Variants in ZNF254 observed in about 807,000 individuals in gnomAD.
ZNF254 encodes zinc finger protein 254.
ZNF254 carries 10 observed loss-of-function variants against 12.4 expected under a neutral mutation model. The observed-to-expected ratio is 0.80, with a 90% CI of 0.50 to 1.36. The LOEUF is 1.36. Among genes scored for constraint, ZNF254 ranks in the 40% most tolerant of loss-of-function variants. The probability of loss-of-function intolerance (pLI) is 0.00; values close to 1 mark genes in which losing one functional copy is unlikely to be tolerated. For missense variants in ZNF254, 996 were observed against 763.9 expected, an observed-to-expected ratio of 1.30 and a Z score of -3.58; for synonymous variants, 305 against 253.4, an observed-to-expected ratio of 1.20 and a Z score of -1.93.
At chr19:24,115,871 G>C (rs1053206301) in intron 3 of ZNF254, among the ~76,000 whole-genome samples, 2 of 152,114 alleles carry the variant, frequency 1.3e-5, no homozygotes, top group East Asian at 3.9e-4. Context: ...TCCTTCAGGA[G>C]CTCTTTTAGG....
chr19:24,047,998 T>C (rs967994241), intron 2 of ZNF254, among the ~76,000 whole-genome samples: 1 of 124,426 alleles, frequency 8.0e-6, no homozygotes, highest in African/African-American at 3.2e-5. Flanking sequence ...TTTTTTTCTT[T>C]TCTTCTTTTT....
At chr19:24,044,009 G>A (rs930163092) in intron 1 of ZNF254, among the ~76,000 whole-genome samples, 1 of 152,046 alleles carries the variant, frequency 6.6e-6, no homozygotes, top group African/African-American at 2.4e-5. Flanking sequence ...GGGAGGGTGA[G>A]GCGCGCAAAT....
At chr19:24,101,001 A>G (rs551100043) in intron 1 of ZNF254, among the ~76,000 whole-genome samples, 2 of 151,864 alleles carry the variant, frequency 1.3e-5, no homozygotes, top group African/African-American at 4.8e-5. Flanking sequence ...CTAATTTTGT[A>G]TTTTTAGTAG....
intron 2 of ZNF254, among the ~76,000 whole-genome samples, chr19:24,053,259 C>T (rs1384417427): frequency 6.6e-6 from 1 of 152,186 alleles, no homozygotes; most frequent in African/African-American, 2.4e-5. Flanking sequence ...TTCTCATGCA[C>T]AAATCCAGAC....
intron 2 of ZNF254, among the ~76,000 whole-genome samples, chr19:24,048,327 C>T (rs972453567): frequency 4.6e-5 from 7 of 152,238 alleles, no homozygotes; most frequent in Non-Finnish European, 1.0e-4. Context: ...AGCTTCAGGC[C>T]GCAAGCGCCA....
At chr19:24,049,646 C>T (rs1169711383) in intron 2 of ZNF254, 1 of 152,166 alleles carries the variant, frequency 6.6e-6, no homozygotes, top group African/African-American at 2.4e-5. Context: ...TCTCTCCTGC[C>T]TTGGCTCTTC....
At chr19:24,062,126 C>T (rs1298012405) in intron 2 of ZNF254, among the ~76,000 whole-genome samples, 1 of 149,160 alleles carries the variant, frequency 6.7e-6, no homozygotes, top group Admixed American at 6.7e-5. Context: ...GAGTAAAATC[C>T]TGGTGGTCTC....
intron 3 of ZNF254, among the ~76,000 whole-genome samples, chr19:24,116,798 T>A (rs1310217218): frequency 1.3e-5 from 2 of 152,156 alleles, no homozygotes; most frequent in Non-Finnish European, 2.9e-5. Flanking sequence ...CCAGTTTTTC[T>A]GCTGTTTTTT....
Position 24,046,373 on chromosome 19 carries a change from T to TATATA in ZNF254, c.-94+94_-94+95insATATA, listed in dbSNP as rs1555750839. 604 of 95,446 alleles carry TATATA rather than the reference T, an allele frequency of 6.3e-3. 18 individuals are homozygous for TATATA. The highest frequency in any genetic ancestry group is 0.021 in the African/African-American group (485 of 23,520). 5.9% of individuals were successfully genotyped at this position (95,446 alleles called of 1,614,324 possible). ...TTGTCTTCCATTATTTTATTATTTT[T>TATATA]TATATATATATATATATATATATAT... On this transcript the variant is annotated intron_variant, in intron 2 of 4. Transcript: ENST00000613065.
intron 1 of ZNF254, among the ~76,000 whole-genome samples, chr19:24,033,952 G>GAGT (rs1218377642): frequency 6.6e-6 from 1 of 152,190 alleles, no homozygotes; most frequent in Admixed American, 6.5e-5. Context: ...TGGGGCTCCC[G>GAGT]AGTCTCTTTT....
chr19:24,127,184 C>T lies in ZNF254; in HGVS notation c.1184C>T (p.Thr395Ile), dbSNP rs1420085595. The T allele has an allele frequency of 1.9e-6, 3 of 1,612,792 alleles. No homozygotes were observed. The South Asian group carries it at 3.3e-5, about 18-fold the overall frequency. The change falls in exon 4 of 4, where the codon ACA becomes ATA. Residue 395 changes from threonine (T) to isoleucine (I), a missense_variant. By Grantham distance (89) the Thr-to-Ile change is moderately conservative. Coordinates refer to ENST00000357002, the MANE Select transcript of ZNF254 (RefSeq NM_203282.4). ...KAFKQLSTLT[T>I]HKIIHVGEKL... Reference sequence around the variant, plus strand: ...TTTAAGCAACTCTCAACTCTTACTACACATAAAATAATTCATGTTGGAGAG... The same window carrying T: ...TTTAAGCAACTCTCAACTCTTACTATACATAAAATAATTCATGTTGGAGAG...
At chr19:24,075,142 GAC>G (rs1971612937) in intron 2 of ZNF254, among the ~76,000 whole-genome samples, 1 of 152,154 alleles carries the variant, frequency 6.6e-6, no homozygotes, top group Non-Finnish European at 1.5e-5. Flanking sequence ...CTCTTCTTAT[GAC>G]TGGAACCTGC....
intron 3 of ZNF254, among the ~76,000 whole-genome samples, chr19:24,121,876 G>GT (rs1425193993): frequency 7.3e-5 from 11 of 151,410 alleles, no homozygotes; most frequent in South Asian, 2.1e-4. Flanking sequence ...TTTTTTGTTT[G>GT]TTTTTTGTAT....
intron 3 of ZNF254, among the ~76,000 whole-genome samples, chr19:24,123,220 G>C (rs1241885480): frequency 6.6e-6 from 1 of 152,068 alleles, no homozygotes; most frequent in Non-Finnish European, 1.5e-5. Context: ...AAATTTTTCA[G>C]TTTTTCTGTC....
intron 1 of ZNF254, among the ~76,000 whole-genome samples, chr19:24,045,155 T>C (rs1970330740): frequency 6.6e-6 from 1 of 152,160 alleles, no homozygotes; most frequent in African/African-American, 2.4e-5. Context: ...AGGAATACAC[T>C]TACTGATAAG....
Position 24,128,109 on chromosome 19 carries a change from A to C in ZNF254, c.*129A>C. The C allele has an allele frequency of 2.1e-6, 2 of 941,920 alleles. No homozygotes were observed. Among genetic ancestry groups the C allele is most frequent in the Non-Finnish European group, 2.9e-6 (2 of 685,286 alleles). 58.3% of individuals were successfully genotyped at this position (941,920 alleles called of 1,614,324 possible). On this transcript the variant is annotated 3_prime_UTR_variant, in exon 4 of 4. Coordinates refer to ENST00000357002, the MANE Select transcript of ZNF254 (RefSeq NM_203282.4). The stretch of plus-strand genomic sequence containing the variant: ...AGTACCTAAAACTTTAAAGAAAATC[A>C]TTCTGCTGAAAAATCCTAGAAATGT...
intron 3 of ZNF254, among the ~76,000 whole-genome samples, chr19:24,113,789 T>C (rs928949431): frequency 2.0e-5 from 3 of 152,170 alleles, no homozygotes; most frequent in African/African-American, 7.2e-5. Context: ...GAAAACCCCA[T>C]TGTCTCAACC....
chr19:24,046,371 T>A (rs796748924), intron 2 of ZNF254: 1 of 51,392 alleles, frequency 1.9e-5, no homozygotes, highest in Non-Finnish European at 4.2e-5. Flanking sequence ...TTTTATTATT[T>A]TTTATATATA....
chr19:24,126,923 C>G lies in ZNF254; in HGVS notation c.923C>G (p.Thr308Ser), dbSNP rs954401576. 2 of 1,613,156 alleles carry G rather than the reference C, an allele frequency of 1.2e-6. No individual in the cohort carries two copies. Among genetic ancestry groups the G allele is most frequent in the African/African-American group, 2.7e-5 (2 of 74,776 alleles). ...GGCAAAGCATTTATCTGGTCCTCAACCCTTACTGAGCATAAGAAAATTCAT... is the reference window on the plus strand; with the variant it reads ...GGCAAAGCATTTATCTGGTCCTCAAGCCTTACTGAGCATAAGAAAATTCAT... ...ECGKAFIWSS[T>S]LTEHKKIHTR... Residue 308 changes from threonine (T) to serine (S), a missense_variant, in exon 4 of 4, where the codon ACC becomes AGC. Transcript: ENST00000357002.
Sources: allele counts gnomAD v4.1 joint callset (sites outside exome capture counted in the v4.1 genomes callset), GRCh38; gene constraint gnomAD v4.1.1; transcripts MANE v1.5; gene names NCBI Gene and HGNC (gene_info 2026-07-23, HGNC 2026-07-21).